The following REDIC1 variants were observed in gnomAD, a reference collection of about 807,000 sequenced individuals.
The protein encoded by REDIC1 is regulator of DNA class I crossover intermediates 1, also known as HEI10 Interacting Protein 1.
the REDIC1 span, among the ~76,000 whole-genome samples, chr12:39,880,708 A>G: frequency 0.013 from 2,008 of 152,308 alleles, 20 homozygotes; most frequent in Non-Finnish European, 0.021. Flanking sequence ...ACATATGCCA[A>G]TGTTGCCAAT....
the REDIC1 span, among the ~76,000 whole-genome samples, chr12:39,713,116 TAG>T: frequency 1.3e-4 from 19 of 149,654 alleles, 1 homozygote; most frequent in South Asian, 1.0e-3. Context: ...CGTATATATG[TAG>T]ATATGTGCAT....
the REDIC1 span, among the ~76,000 whole-genome samples, chr12:39,631,338 AGGC>A: frequency 6.6e-6 from 1 of 152,252 alleles, no homozygotes; most frequent in East Asian, 1.9e-4. Flanking sequence ...ATTGAATATA[AGGC>A]TTTTAAAATT....
chr12:39,691,950 A>C, the REDIC1 span: 36 of 1,110,990 alleles, frequency 3.2e-5, no homozygotes, highest in Non-Finnish European at 4.3e-5. Flanking sequence ...AATGTAAAAG[A>C]AAAGTACTAT....
At chr12:39,875,459 C>T in the REDIC1 span, among the ~76,000 whole-genome samples, 2 of 152,208 alleles carry the variant, frequency 1.3e-5, no homozygotes, top group Non-Finnish European at 2.9e-5. Context: ...TTAATTCAGT[C>T]TGCACCTTAA....
chr12:39,869,250 C>T, the REDIC1 span, among the ~76,000 whole-genome samples: 1 of 152,206 alleles, frequency 6.6e-6, no homozygotes, highest in South Asian at 2.1e-4. Flanking sequence ...AATGTGTTAA[C>T]AAGGTTGTTG....
At chr12:39,669,469 G>C in the REDIC1 span, among the ~76,000 whole-genome samples, 1 of 152,210 alleles carries the variant, frequency 6.6e-6, no homozygotes, top group Admixed American at 6.5e-5. Flanking sequence ...CCCTACTGGG[G>C]GGTGCATCCC....
chr12:39,635,639 G>A, the REDIC1 span, among the ~76,000 whole-genome samples: 10 of 146,064 alleles, frequency 6.8e-5, no homozygotes, highest in African/African-American at 2.5e-4. Context: ...ACTGGGGCCT[G>A]TTGGTGGGCG....
At chr12:39,759,790 T>C in the REDIC1 span, 1 of 478,746 alleles carries the variant, frequency 2.1e-6, no homozygotes, top group Non-Finnish European at 3.7e-6. Flanking sequence ...TTACACACAT[T>C]TGCTTAAGAA....
chr12:39,786,445 A>G, the REDIC1 span, among the ~76,000 whole-genome samples: 5 of 150,602 alleles, frequency 3.3e-5, no homozygotes, highest in Admixed American at 2.7e-4. Flanking sequence ...CCCAGTTTTC[A>G]GTATGTCTTT....
At chr12:39,752,585 A>AATG in the REDIC1 span, among the ~76,000 whole-genome samples, 1 of 152,150 alleles carries the variant, frequency 6.6e-6, no homozygotes, top group Non-Finnish European at 1.5e-5. Context: ...GTGACTTGGT[A>AATG]ATGTATTCGG....
chr12:39,649,506 A>G, the REDIC1 span, among the ~76,000 whole-genome samples: 5 of 150,616 alleles, frequency 3.3e-5, no homozygotes, highest in African/African-American at 1.2e-4. Context: ...TAGCTGAGAC[A>G]TTAGTATAAG....
chr12:39,845,273 C>T, the REDIC1 span, among the ~76,000 whole-genome samples: 1 of 151,824 alleles, frequency 6.6e-6, no homozygotes, highest in Admixed American at 6.6e-5. Context: ...CTTTTTGGGA[C>T]CCATTTGTGC....
chr12:39,714,066 T>C, the REDIC1 span, among the ~76,000 whole-genome samples: 2 of 149,292 alleles, frequency 1.3e-5, no homozygotes, highest in Admixed American at 6.7e-5. Flanking sequence ...CACGTATGTG[T>C]ATATACGTGT....
the REDIC1 span, among the ~76,000 whole-genome samples, chr12:39,834,573 C>A: frequency 6.6e-6 from 1 of 152,028 alleles, no homozygotes; most frequent in Non-Finnish European, 1.5e-5. Flanking sequence ...CCTTCTGCTA[C>A]TCCATACTGC....
the REDIC1 span, among the ~76,000 whole-genome samples, chr12:39,691,493 C>T: frequency 6.6e-6 from 1 of 152,068 alleles, no homozygotes; most frequent in African/African-American, 2.4e-5. Flanking sequence ...AAATTGAAAT[C>T]AACTAAAAAG....
At chr12:39,649,009 G>A in the REDIC1 span, among the ~76,000 whole-genome samples, 8 of 151,672 alleles carry the variant, frequency 5.3e-5, no homozygotes, top group African/African-American at 1.7e-4. Context: ...TTTATATTTC[G>A]TAAGACAAAA....
chr12:39,675,625 T>G, the REDIC1 span, among the ~76,000 whole-genome samples: 280 of 152,332 alleles, frequency 1.8e-3, no homozygotes, highest in African/African-American at 6.0e-3. Flanking sequence ...ATGTGACAAC[T>G]TCACTGCTAG....
the REDIC1 span, among the ~76,000 whole-genome samples, chr12:39,741,742 C>T: frequency 1.3e-5 from 2 of 152,104 alleles, no homozygotes; most frequent in Non-Finnish European, 2.9e-5. Context: ...TAAGTGGGGG[C>T]TTATAGGTTA....
At chr12:39,859,067 T>G in the REDIC1 span, among the ~76,000 whole-genome samples, 1 of 152,038 alleles carries the variant, frequency 6.6e-6, no homozygotes, top group Non-Finnish European at 1.5e-5. Flanking sequence ...GGAAATGAAC[T>G]TTGAAGGGAC....
Sources: allele counts gnomAD v4.1 joint callset (sites outside exome capture counted in the v4.1 genomes callset), GRCh38; gene constraint gnomAD v4.1.1; transcripts MANE v1.5; gene names NCBI Gene and HGNC (gene_info 2026-07-23, HGNC 2026-07-21).